Variants in TIAM1 observed in about 807,000 individuals in gnomAD.
TIAM1 encodes rho guanine nucleotide exchange factor TIAM1.
TIAM1 carries 65 observed loss-of-function variants against 163.5 expected under a neutral mutation model. That is an observed-to-expected ratio of 0.40 (90% confidence interval 0.33 to 0.49). The LOEUF (loss-of-function observed/expected upper bound fraction) is 0.49, where lower values mean the gene tolerates loss of function less well. Among genes scored for constraint, TIAM1 ranks in the 20% least tolerant of loss-of-function variants. The pLI is 0.77. For synonymous variants in TIAM1, 833 were observed against 810.1 expected (o/e 1.03, Z -0.48); for missense variants, 1,789 against 2,044.7 (o/e 0.87, Z 2.41).
chr21:31,191,147 A>C (rs2085540367), intron 13 of TIAM1, among the ~76,000 whole-genome samples: 1 of 152,040 alleles, frequency 6.6e-6, no homozygotes, highest in African/African-American at 2.4e-5. Flanking sequence ...ATTAGCCATG[A>C]GTGGCAGGCT....
chr21:31,462,174 G>A (rs1319664102), intron 2 of TIAM1, among the ~76,000 whole-genome samples: 6 of 152,080 alleles, frequency 3.9e-5, no homozygotes, highest in Non-Finnish European at 7.3e-5. Context: ...AGGCTTTATA[G>A]GCCATATTTC....
At chr21:31,130,443 C>T in intron 24 of TIAM1, 128 bp from the exon 25 acceptor site, 1 of 685,366 alleles carries the variant, frequency 1.5e-6, no homozygotes, top group Non-Finnish European at 2.5e-6. Flanking sequence ...ATCTTCACCC[C>T]CATGAGCTCC....
At chr21:31,532,016 C>G (rs977970483) in intron 1 of TIAM1, among the ~76,000 whole-genome samples, 4 of 151,886 alleles carry the variant, frequency 2.6e-5, no homozygotes, top group African/African-American at 9.7e-5. Flanking sequence ...ACTTAGGGAG[C>G]TGAGGTAGGA....
intron 1 of TIAM1, chr21:31,558,810 G>C (rs1025115926): frequency 6.6e-6 from 1 of 152,134 alleles, no homozygotes; most frequent in Non-Finnish European, 1.5e-5. Flanking sequence ...CCCAGTGTGC[G>C]GGAGACGGGG....
chr21:31,152,889 G>T, intron 18 of TIAM1, 128 bp from the exon 19 acceptor site: 1 of 1,407,924 alleles, frequency 7.1e-7, no homozygotes, highest in Non-Finnish European at 9.6e-7. Flanking sequence ...ACCAGAGAGC[G>T]GGGCAGTTTT....
At chr21:31,241,445 T>G (rs1467430858) in intron 6 of TIAM1, among the ~76,000 whole-genome samples, 6 of 152,170 alleles carry the variant, frequency 3.9e-5, no homozygotes, top group Non-Finnish European at 8.8e-5. Context: ...GCTTCTGTAC[T>G]TTTAAGGAAA....
At chr21:31,537,282 C>T (rs1467709668) in intron 1 of TIAM1, among the ~76,000 whole-genome samples, 2 of 152,118 alleles carry the variant, frequency 1.3e-5, no homozygotes, top group Non-Finnish European at 2.9e-5. Context: ...CCGCATAGGG[C>T]TGAACATAGG....
At chr21:31,298,400 G>C (rs2074371186) in intron 2 of TIAM1, among the ~76,000 whole-genome samples, 1 of 152,130 alleles carries the variant, frequency 6.6e-6, no homozygotes, top group Admixed American at 6.5e-5. Flanking sequence ...CTGTGAAAGA[G>C]TTAGTGTGTC....
chr21:31,237,720 T>C (rs1452991512), intron 6 of TIAM1, among the ~76,000 whole-genome samples: 1 of 152,234 alleles, frequency 6.6e-6, no homozygotes, highest in Admixed American at 6.5e-5. Flanking sequence ...TAACTGCATA[T>C]GATTTTCTAC....
Position 31,395,980 on chromosome 21 carries a change from C to T in TIAM1, c.-368-56558G>A, listed in dbSNP as rs2077061267. On this transcript the variant is annotated intron_variant, in intron 2 of 28. Coordinates refer to the TIAM1 transcript ENST00000286827. The surrounding 1 kb of genome is among the most constrained non-coding windows in gnomAD (Gnocchi z 7.5). ...CAACAGGAACATGGCTTTTTTCCTC[C>T]GTAATGGCTGTGAAATTGATTGGGA... 6.6e-6 allele frequency among the ~76,000 whole-genome samples: 1 copy of T among 152,056 alleles called. No individual in the cohort carries two copies. The highest frequency in any genetic ancestry group is 2.4e-5 in the African/African-American group (1 of 41,404).
intron 6 of TIAM1, among the ~76,000 whole-genome samples, chr21:31,237,524 C>T (rs190693087): frequency 4.6e-5 from 7 of 152,172 alleles, no homozygotes; most frequent in African/African-American, 1.4e-4. Context: ...TAAGCATTTG[C>T]TATCTATCAG....
intron 6 of TIAM1, among the ~76,000 whole-genome samples, chr21:31,244,769 A>G (rs992359252): frequency 7.2e-5 from 11 of 152,232 alleles, no homozygotes; most frequent in African/African-American, 2.4e-4. Context: ...TATTCTCAAT[A>G]GCACTATGCA....
Position 31,506,786 on chromosome 21 carries a change from C to T in TIAM1, c.-421-42751G>A, listed in dbSNP as rs546821184. Reference sequence around the variant, plus strand: ...TACAGAACTTAGCCAGGCATGGTGGCGCAAGCCTGTAATCCTAGCTACCTG... The same window carrying T: ...TACAGAACTTAGCCAGGCATGGTGGTGCAAGCCTGTAATCCTAGCTACCTG... On this transcript the variant is annotated intron_variant, in intron 1 of 28. Transcript: ENST00000286827. Among the ~76,000 whole-genome samples, 7 of 152,226 alleles carry T rather than the reference C, an allele frequency of 4.6e-5. No homozygotes were observed. The South Asian group carries it at 6.2e-4, about 14-fold the overall frequency.
intron 14 of TIAM1, 65 bp from the exon 15 acceptor site, chr21:31,182,710 C>T (rs2085092540): frequency 2.0e-6 from 3 of 1,519,454 alleles, no homozygotes; most frequent in East Asian, 2.3e-5. Context: ...AGCTTAGGAG[C>T]TCTGCTATAA....
rs145999934 is a variant in TIAM1 at position 31,229,908 on chromosome 21, C to T, written c.1585-3958G>A. ...CCTCAGGTGATCCACCCGCCTCGGC[C>T]TCCCAAACTGCTGGGATTACAAGCG... On this transcript the variant is annotated intron_variant, in intron 6 of 27. Transcript: ENST00000541036. 9.6e-3 allele frequency among the ~76,000 whole-genome samples: 1,457 copies of T among 152,330 alleles called. 28 individuals carry two copies. Among genetic ancestry groups the T allele is most frequent in the African/African-American group, 0.033 (1,383 of 41,576 alleles).
At chr21:31,373,884 T>TC (rs2076642156) in intron 2 of TIAM1, among the ~76,000 whole-genome samples, 1 of 152,038 alleles carries the variant, frequency 6.6e-6, no homozygotes, top group Non-Finnish European at 1.5e-5. Context: ...CCTCTTCCTC[T>TC]CCCCACTCCT....
intron 22 of TIAM1, among the ~76,000 whole-genome samples, chr21:31,138,107 T>G (rs1174706401): frequency 6.6e-6 from 1 of 151,906 alleles, no homozygotes; most frequent in Non-Finnish European, 1.5e-5. Context: ...AGAGTTCTGC[T>G]GGGAGGCCTC....
chr21:31,531,280 T>C (rs1336117052), intron 1 of TIAM1, among the ~76,000 whole-genome samples: 2 of 152,108 alleles, frequency 1.3e-5, no homozygotes, highest in African/African-American at 4.8e-5. Flanking sequence ...TGAAAAACAG[T>C]GTTTGCTCAG....
intron 2 of TIAM1, among the ~76,000 whole-genome samples, chr21:31,287,357 G>A (rs941982879): frequency 3.3e-5 from 5 of 152,082 alleles, no homozygotes; most frequent in African/African-American, 1.2e-4. Context: ...CATTTTACTG[G>A]GCACCTGTTA....
Sources: allele counts gnomAD v4.1 joint callset (sites outside exome capture counted in the v4.1 genomes callset), GRCh38; gene constraint gnomAD v4.1.1; non-coding constraint Gnocchi (gnomAD v3.1); transcripts MANE v1.5; gene names NCBI Gene and HGNC (gene_info 2026-07-23, HGNC 2026-07-21).